The following DXO variants were observed in gnomAD, a reference collection of about 807,000 sequenced individuals.
The protein encoded by DXO is decapping and exoribonuclease protein.
A neutral mutation model predicts 39.8 loss-of-function variants in DXO; 42 were observed. The observed-to-expected ratio is 1.06, with a 90% CI of 0.83 to 1.37. The LOEUF (loss-of-function observed/expected upper bound fraction) is 1.37. DXO is among the 40% of genes most tolerant of loss of function. The pLI, the probability that DXO is intolerant of heterozygous loss-of-function variation, is 0.00. For synonymous variants in DXO, 193 were observed against 200.4 expected, an observed-to-expected ratio of 0.96 and a Z score of 0.31; for missense variants, 495 against 513.0, an observed-to-expected ratio of 0.96 and a Z score of 0.34.
Position 31,970,269 on chromosome 6 carries a change from TG to T in DXO, c.949-67del, listed in dbSNP as rs1773141563. On this transcript the variant is annotated intron_variant, in intron 5 of 6. Transcript: ENST00000337523. This position sits in a 1 kb window ranked among gnomAD's most constrained non-coding sequence, Gnocchi z 4.0. Reference sequence around the variant, plus strand: ...GGTGGTGGGAGGAGAGAAGGCAGGCTGTTGCCCTGGATGCTAGACCTGTGGT... The same window carrying T: ...GGTGGTGGGAGGAGAGAAGGCAGGCTTTGCCCTGGATGCTAGACCTGTGGT... The T allele has an allele frequency of 6.2e-6, 10 of 1,613,840 alleles. No individual in the cohort carries two copies. The Admixed American group carries it at 1.7e-4, about 27-fold the overall frequency.
In DXO at chr6:31,970,623, T is replaced by C. The variant is rs750410679; in HGVS notation, c.795A>G (p.Gln265=). 5 of 1,613,016 alleles carry C rather than the reference T, an allele frequency of 3.1e-6. No homozygotes were observed. The African/African-American group carries it at 4.0e-5, about 13-fold the overall frequency. ...TCCTGAACCTGTAGAAACTCCTCCA[T>C]TGGCCAGGGCTGTGCATCTCCTTGG... ...KTSKEMHSPG[Q]WRSFYRHKLL... The change falls in exon 4 of 7, where the codon CAA becomes CAG. Residue 265 remains glutamine, a synonymous_variant. Coordinates refer to ENST00000337523, the MANE Select transcript of DXO (RefSeq NM_005510.4). This position sits in a 1 kb window ranked among gnomAD's most constrained non-coding sequence, Gnocchi z 4.0.
chr6:31,971,522 A>G lies in DXO; in HGVS notation c.154T>C (p.Phe52Leu). 2.5e-6 allele frequency: 4 copies of G among 1,614,210 alleles called. No individual in the cohort carries two copies. Among genetic ancestry groups the G allele is most frequent in the Non-Finnish European group, 3.4e-6 (4 of 1,180,042 alleles). Reference protein sequence around the residue: ...FYRRPSELGCFSLDAQRQYHG... With the variant: ...FYRRPSELGCLSLDAQRQYHG... ...TACTGGCGTTGAGCATCCAGGGAGAAGCAGCCCAGTTCCGAAGGGCGCCGG... is the reference window on the plus strand; with the variant it reads ...TACTGGCGTTGAGCATCCAGGGAGAGGCAGCCCAGTTCCGAAGGGCGCCGG... The change falls in exon 2 of 7, where the codon TTC (phenylalanine) becomes CTC (leucine). Residue 52 changes from phenylalanine to leucine, a missense_variant. Transcript: ENST00000337523. The surrounding 1 kb of genome is among the most constrained non-coding windows in gnomAD (Gnocchi z 4.5).
In DXO at chr6:31,972,004, A is replaced by G. The variant is rs1773387666; in HGVS notation, c.-82T>C. 1 of 1,603,422 alleles carries G rather than the reference A, an allele frequency of 6.2e-7. No individual in the cohort carries two copies. Among genetic ancestry groups the G allele is most frequent in the Non-Finnish European group, 8.5e-7 (1 of 1,171,880 alleles). On this transcript the variant is annotated 5_prime_UTR_variant, in exon 1 of 7. Transcript: ENST00000337523. The surrounding 1 kb of genome is among the most constrained non-coding windows in gnomAD (Gnocchi z 6.3). The stretch of plus-strand genomic sequence containing the variant: ...CACGCCAGAGGCCGAAGGATGCAAA[A>G]GTGGTTTTCTGCTTTCGATGATGCA...
rs1442032114 is a variant in DXO, at chr6:31,969,996, C to T, written c.1072G>A (p.Gly358Ser). Reference sequence around the variant, plus strand: ...TGTACAGACACGGTGACTGGGCCGCCAGGCTCCCAAGAGAAGAGATGAACG... The same window carrying T: ...TGTACAGACACGGTGACTGGGCCGCTAGGCTCCCAAGAGAAGAGATGAACG... ...RLVHLFSWEP[G>S]GPVTVSVHQD... The change falls in exon 7 of 7, where the codon GGC becomes AGC. Residue 358 changes from glycine to serine, a missense_variant. Coordinates refer to ENST00000337523, the MANE Select transcript of DXO (RefSeq NM_005510.4). This position sits in a 1 kb window ranked among gnomAD's most constrained non-coding sequence, Gnocchi z 6.1. 1 of 1,613,950 alleles carries T rather than the reference C, an allele frequency of 6.2e-7. No homozygotes were observed. Among genetic ancestry groups the T allele is most frequent in the Middle Eastern group, 1.6e-4 (1 of 6,062 alleles).
rs781531501 is a variant in DXO, at chr6:31,971,982, G to A, written c.-60C>T. On this transcript the variant is annotated 5_prime_UTR_variant, in exon 1 of 7. Transcript: ENST00000337523. This position sits in a 1 kb window ranked among gnomAD's most constrained non-coding sequence, Gnocchi z 4.5. ...AGAGCTATGACGTCATGGCAGGCAC[G>A]CCAGAGGCCGAAGGATGCAAAAGTG... 13 of 1,590,198 alleles carry A rather than the reference G, an allele frequency of 8.2e-6. No homozygotes were observed. Among genetic ancestry groups the A allele is most frequent in the Non-Finnish European group, 1.1e-5 (13 of 1,163,786 alleles).
In DXO at chr6:31,971,045, G is replaced by A; in HGVS notation, c.459C>T (p.Ala153=). ...GGTATAGTGTTCCCTGGAACCGGGAGGCTGCCAGCTGCCAGCCCTCCTGCC... is the reference window on the plus strand; with the variant it reads ...GGTATAGTGTTCCCTGGAACCGGGAAGCTGCCAGCTGCCAGCCCTCCTGCC... ...YERQEGWQLA[A]SRFQGTLYLS... Residue 153 remains alanine, a synonymous_variant, in exon 3 of 7, where the codon GCC becomes GCT. Coordinates refer to ENST00000337523, the MANE Select transcript of DXO (RefSeq NM_005510.4). This position sits in a 1 kb window ranked among gnomAD's most constrained non-coding sequence, Gnocchi z 4.5. 6.2e-7 allele frequency: 1 copy of A among 1,613,022 alleles called. No homozygotes were observed. Among genetic ancestry groups the A allele is most frequent in the Non-Finnish European group, 8.5e-7 (1 of 1,180,008 alleles).
chr6:31,971,102 G>A lies in DXO; in HGVS notation c.402C>T (p.His134=). The change falls in exon 3 of 7, where the codon CAC becomes CAT. Residue 134 remains histidine (H), a synonymous_variant. Coordinates refer to ENST00000337523, the MANE Select transcript of DXO (RefSeq NM_005510.4). This position sits in a 1 kb window ranked among gnomAD's most constrained non-coding sequence, Gnocchi z 4.5. Reference sequence around the variant, plus strand: ...ACGGTGTCGTCAGCAGTTTTGTCAGGTGCCCCCGCCACGTCACTATGGCCT... The same window carrying A: ...ACGGTGTCGTCAGCAGTTTTGTCAGATGCCCCCGCCACGTCACTATGGCCT... ...LAEAIVTWRG[H]LTKLLTTPYE... 3.1e-6 allele frequency: 5 copies of A among 1,612,840 alleles called. No homozygotes were observed. Among genetic ancestry groups the A allele is most frequent in the Non-Finnish European group, 4.2e-6 (5 of 1,179,982 alleles).
At position 31,969,859 on chromosome 6, in the gene DXO, C is replaced by T. The variant is rs776687798; in HGVS notation, c.*18G>A. On this transcript the variant is annotated 3_prime_UTR_variant, in exon 7 of 7. Transcript: ENST00000337523. This position sits in a 1 kb window ranked among gnomAD's most constrained non-coding sequence, Gnocchi z 6.1. ...TTATCTGCACACAGAGATATGACTG[C>T]CTCCCTCTAAAGCATTACTATTTGG... 6.2e-7 allele frequency: 1 copy of T among 1,613,954 alleles called. No individual in the cohort carries two copies. Among genetic ancestry groups the T allele is most frequent in the African/African-American group, 1.3e-5 (1 of 75,034 alleles).
Position 31,970,458 on chromosome 6 carries a change from C to A in DXO, c.833G>T (p.Trp278Leu). The change falls in exon 5 of 7, where the codon TGG (tryptophan) becomes TTG (leucine). Residue 278 changes from tryptophan to leucine, a missense_variant. Physicochemically the swap from Trp to Leu is moderately conservative, Grantham distance 61. Transcript: ENST00000337523. The surrounding 1 kb of genome is among the most constrained non-coding windows in gnomAD (Gnocchi z 4.0). The part of the protein sequence containing the change: ...SFYRHKLLKW[W>L]AQSFLPGVPN... ...GACCCCTGGGAGGAATGACTGAGCCCACCATTTCAGGAGCTTGTGTCTGAC... is the reference window on the plus strand; with the variant it reads ...GACCCCTGGGAGGAATGACTGAGCCAACCATTTCAGGAGCTTGTGTCTGAC... 1 of 1,614,040 alleles carries A rather than the reference C, an allele frequency of 6.2e-7. No individual in the cohort carries two copies. The highest frequency in any genetic ancestry group is 8.5e-7 in the Non-Finnish European group (1 of 1,179,978).
chr6:31,971,199 G>A lies in DXO; in HGVS notation c.357-52C>T, dbSNP rs1188022157. On this transcript the variant is annotated intron_variant, in intron 2 of 6. Coordinates refer to ENST00000337523, the MANE Select transcript of DXO (RefSeq NM_005510.4). This position sits in a 1 kb window ranked among gnomAD's most constrained non-coding sequence, Gnocchi z 4.5. ...GGTCTGACACAAGCATTAGTGAGAT[G>A]CTCCCCTCGAAGAATAGTCTTGTTT... 2 of 1,587,036 alleles carry A rather than the reference G, an allele frequency of 1.3e-6. No homozygotes were observed. Among genetic ancestry groups the A allele is most frequent in the Admixed American group, 1.7e-5 (1 of 58,048 alleles).
chr6:31,970,502 G>A lies in DXO; in HGVS notation c.813-24C>T, dbSNP rs1027193662. On this transcript the variant is annotated intron_variant, in intron 4 of 6. Coordinates refer to ENST00000337523, the MANE Select transcript of DXO (RefSeq NM_005510.4). This position sits in a 1 kb window ranked among gnomAD's most constrained non-coding sequence, Gnocchi z 4.0. ...GTCTGACAGGAAAAGCAAGGGATCAGTGGGACCCCTCGTGCACCCTCCATT... is the reference window on the plus strand; with the variant it reads ...GTCTGACAGGAAAAGCAAGGGATCAATGGGACCCCTCGTGCACCCTCCATT... The A allele has an allele frequency of 9.3e-6, 15 of 1,614,060 alleles. No individual in the cohort carries two copies. The highest frequency in any genetic ancestry group is 1.3e-5 in the Non-Finnish European group (15 of 1,179,990).
chr6:31,972,075 G>A lies in DXO; in HGVS notation c.-153C>T, dbSNP rs748360079. On this transcript the variant is annotated 5_prime_UTR_variant, in exon 1 of 7. Transcript: ENST00000337523. The surrounding 1 kb of genome is among the most constrained non-coding windows in gnomAD (Gnocchi z 6.3). ...GGCAAACCCCTCCCGGGGCGGGGGA[G>A]GTGTGAGCTTCACGAAGGAGGTTGA... 3 of 1,612,982 alleles carry A rather than the reference G, an allele frequency of 1.9e-6. No individual in the cohort carries two copies. The highest frequency in any genetic ancestry group is 2.5e-6 in the Non-Finnish European group (3 of 1,179,762).
Position 31,969,999 on chromosome 6 carries a change from G to A in DXO, c.1069C>T (p.Pro357Ser), listed in dbSNP as rs1454674313. ...PRLVHLFSWE[P>S]GGPVTVSVHQ... ...ACAGACACGGTGACTGGGCCGCCAG[G>A]CTCCCAAGAGAAGAGATGAACGAGC... Residue 357 changes from proline (P) to serine (S), a missense_variant, in exon 7 of 7, where the codon CCT becomes TCT. Coordinates refer to ENST00000337523, the MANE Select transcript of DXO (RefSeq NM_005510.4). This position sits in a 1 kb window ranked among gnomAD's most constrained non-coding sequence, Gnocchi z 6.1. 1.2e-6 allele frequency: 2 copies of A among 1,613,910 alleles called. No individual in the cohort carries two copies. The highest frequency in any genetic ancestry group is 2.2e-5 in the East Asian group (1 of 44,872).
chr6:31,971,742 G>A lies in DXO; in HGVS notation c.-6-61C>T. Reference sequence around the variant, plus strand: ...AGAGGAGGCCTGGAGAAGGATGACTGGTTTAGGACTAAGCGAGCCACCTGA... The same window carrying A: ...AGAGGAGGCCTGGAGAAGGATGACTAGTTTAGGACTAAGCGAGCCACCTGA... On this transcript the variant is annotated intron_variant, in intron 1 of 6. Coordinates refer to ENST00000337523, the MANE Select transcript of DXO (RefSeq NM_005510.4). The surrounding 1 kb of genome is among the most constrained non-coding windows in gnomAD (Gnocchi z 4.5). 2 of 1,485,966 alleles carry A rather than the reference G, an allele frequency of 1.3e-6. No homozygotes were observed. The highest frequency in any genetic ancestry group is 1.8e-6 in the Non-Finnish European group (2 of 1,115,386). 92.0% of individuals were successfully genotyped at this position (1,485,966 alleles called of 1,614,324 possible).
In DXO at chr6:31,971,500, T is replaced by C. The variant is rs1371431320; in HGVS notation, c.176A>G (p.Gln59Arg). The C allele has an allele frequency of 5.0e-6, 8 of 1,614,100 alleles. No individual in the cohort carries two copies. In the East Asian group the frequency reaches 1.8e-4, roughly 36 times the overall value. ...CAGGGCTCGGGCATCTCCATGGTAC[T>C]GGCGTTGAGCATCCAGGGAGAAGCA... is the stretch of plus-strand genomic sequence containing the variant. ...LGCFSLDAQRQYHGDARALRY... is the reference protein window; with the variant it reads ...LGCFSLDAQRRYHGDARALRY... The change falls in exon 2 of 7, where the codon CAG becomes CGG. Residue 59 changes from glutamine (Q) to arginine (R), a missense_variant. By Grantham distance (43) the Gln-to-Arg change is conservative (BLOSUM62 1). Transcript: ENST00000337523. This position sits in a 1 kb window ranked among gnomAD's most constrained non-coding sequence, Gnocchi z 4.5.
chr6:31,971,668 G>GGATC lies in DXO; in HGVS notation c.4_7dup (p.Pro3ArgfsTer10). ...CTCAGCTCCTCTCTTGGTCCCCCTG[G>GGATC]GATCCATGAGGTCCTAAGACAAGCA... On this transcript the variant is annotated frameshift_variant, in exon 2 of 7. Transcript: ENST00000337523. LOFTEE classifies it high-confidence loss of function. This position sits in a 1 kb window ranked among gnomAD's most constrained non-coding sequence, Gnocchi z 4.5. The GGATC allele has an allele frequency of 6.2e-7, 1 of 1,604,220 alleles. No individual in the cohort carries two copies. The highest frequency in any genetic ancestry group is 1.3e-5 in the African/African-American group (1 of 74,946).
In DXO at chr6:31,970,532, C is replaced by T; in HGVS notation, c.813-54G>A. ...ACCCCTCGTGCACCCTCCATTCTGCCTTCACCCTCCTCCCCAAGTCCCTTT... is the reference window on the plus strand; with the variant it reads ...ACCCCTCGTGCACCCTCCATTCTGCTTTCACCCTCCTCCCCAAGTCCCTTT... On this transcript the variant is annotated intron_variant, in intron 4 of 6. Coordinates refer to ENST00000337523, the MANE Select transcript of DXO (RefSeq NM_005510.4). The surrounding 1 kb of genome is among the most constrained non-coding windows in gnomAD (Gnocchi z 4.0). The T allele has an allele frequency of 1.9e-6, 3 of 1,613,330 alleles. No individual in the cohort carries two copies. The highest frequency in any genetic ancestry group is 1.6e-4 in the Middle Eastern group (1 of 6,062).
In DXO at chr6:31,970,250, G is replaced by A. The variant is rs755214150; in HGVS notation, c.949-47C>T. The A allele has an allele frequency of 1.4e-5, 23 of 1,613,888 alleles. No homozygotes were observed. The East Asian group carries it at 4.7e-4, about 33-fold the overall frequency. On this transcript the variant is annotated intron_variant, in intron 5 of 6. Coordinates refer to ENST00000337523, the MANE Select transcript of DXO (RefSeq NM_005510.4). The surrounding 1 kb of genome is among the most constrained non-coding windows in gnomAD (Gnocchi z 4.0). ...GCAGAAGATGGGCAGTGGGGGTGGT[G>A]GGAGGAGAGAAGGCAGGCTGTTGCC...
rs531114981 is a variant in DXO, at chr6:31,970,237, C to A, written c.949-34G>T. 6.2e-7 allele frequency: 1 copy of A among 1,613,144 alleles called. No individual in the cohort carries two copies. The highest frequency in any genetic ancestry group is 2.2e-5 in the East Asian group (1 of 44,780). On this transcript the variant is annotated intron_variant, in intron 5 of 6. Transcript: ENST00000337523. This position sits in a 1 kb window ranked among gnomAD's most constrained non-coding sequence, Gnocchi z 4.0. ...GGCAGAGGAGGAGGCAGAAGATGGGCAGTGGGGGTGGTGGGAGGAGAGAAG... is the reference window on the plus strand; with the variant it reads ...GGCAGAGGAGGAGGCAGAAGATGGGAAGTGGGGGTGGTGGGAGGAGAGAAG...
Sources: allele counts gnomAD v4.1 joint callset, GRCh38; gene constraint gnomAD v4.1.1; non-coding constraint Gnocchi (gnomAD v3.1); transcripts MANE v1.5; gene names NCBI Gene and HGNC (gene_info 2026-07-23, HGNC 2026-07-21).